The following ATP6V0A4 variants were observed in gnomAD, a reference collection of about 807,000 sequenced individuals.
ATP6V0A4 encodes the protein V-type proton ATPase 116 kDa subunit a 4.
Under a neutral mutation model 107.3 loss-of-function variants are expected in ATP6V0A4, and 86 were observed. The observed-to-expected ratio is 0.80, with a 90% CI of 0.67 to 0.96. The LOEUF is 0.96. ATP6V0A4 is among the 40% of genes least tolerant of loss of function. ATP6V0A4 has a pLI of 0.00. For synonymous variants in ATP6V0A4, 353 were observed against 381.4 expected (o/e 0.93, Z 0.87); for missense variants, 908 against 1,045.6 (o/e 0.87, Z 1.81).
intron 4 of ATP6V0A4, 116 bp downstream of exon 4, chr7:138,769,057 C>T: frequency 6.3e-7 from 1 of 1,581,532 alleles, no homozygotes; most frequent in Non-Finnish European, 8.6e-7. Flanking sequence ...CCTCTGGGAC[C>T]ACCTCAAAAA....
intron 7 of ATP6V0A4, among the ~76,000 whole-genome samples, chr7:138,762,123 G>A (rs1388684668): frequency 6.6e-6 from 1 of 152,144 alleles, no homozygotes; most frequent in Non-Finnish European, 1.5e-5. Context: ...GCAGTCTTCA[G>A]GCTCAAGGAG....
intron 10 of ATP6V0A4, 21 bp downstream of exon 10, chr7:138,755,668 G>GCGCCCAAACCCCT: frequency 6.2e-7 from 1 of 1,613,162 alleles, no homozygotes; most frequent in South Asian, 1.1e-5. Context: ...ATCAGACCAT[G>GCGCCCAAACCCCT]CGCCCAAACC....
At position 138,730,373 on chromosome 7, in the gene ATP6V0A4, T is replaced by C. The variant is rs1188897879; in HGVS notation, c.1909-1511A>G. 2.0e-5 allele frequency among the ~76,000 whole-genome samples: 3 copies of C among 149,170 alleles called. No homozygotes were observed. The East Asian group carries it at 5.8e-4, about 29-fold the overall frequency. On this transcript the variant is annotated intron_variant, in intron 17 of 21. Coordinates refer to ENST00000310018, the MANE Select transcript of ATP6V0A4 (RefSeq NM_020632.3). ...GTGTGTGTGTGTGTGTGTGTGTGTG[T>C]GTGTGTGTGTGTGGCTATCCTTTGA...
intron 7 of ATP6V0A4, 59 bp downstream of exon 7, chr7:138,762,281 T>A (rs971581629): frequency 6.3e-6 from 10 of 1,576,938 alleles, no homozygotes; most frequent in Admixed American, 3.3e-5. Flanking sequence ...GTTCATTCAC[T>A]CACTCAGAAA....
chr7:138,706,474 C>T lies in ATP6V0A4; in HGVS notation c.*150G>A. 1 of 972,870 alleles carries T rather than the reference C, an allele frequency of 1.0e-6. No individual in the cohort carries two copies. Among genetic ancestry groups the T allele is most frequent in the African/African-American group, 1.6e-5 (1 of 62,056 alleles). The allele number at this position is 972,870 out of a possible 1,614,324, so 60.3% of individuals were successfully genotyped here. A position where few individuals can be genotyped will look rare whatever the true frequency, so the allele number is the denominator to read the frequency against. ...ACGTGGTTAAGTCGTATCAAATCCA[C>T]AGGCTGACGTCCAAATAATACACAG... On this transcript the variant is annotated 3_prime_UTR_variant, in exon 22 of 22. Coordinates refer to ENST00000310018, the MANE Select transcript of ATP6V0A4 (RefSeq NM_020632.3).
In ATP6V0A4 at chr7:138,715,807, T is replaced by C; in HGVS notation, c.2214A>G (p.Thr738=). 6.2e-7 allele frequency: 1 copy of C among 1,613,504 alleles called. No individual in the cohort carries two copies. The highest frequency in any genetic ancestry group is 8.5e-7 in the Non-Finnish European group (1 of 1,179,892). ...IEYCLGCISN[T]ASYLRLWALS... ...GGGCCCAGAGCCGCAGGTAGGAGGC[T>C]GTGTTTGAAATGCAGCCCAGGCAGT... Residue 738 remains threonine (T), a synonymous_variant, in exon 20 of 22, where the codon ACA becomes ACG. Coordinates refer to ENST00000310018, the MANE Select transcript of ATP6V0A4 (RefSeq NM_020632.3).
At chr7:138,754,478 G>A (rs537426892) in intron 10 of ATP6V0A4, among the ~76,000 whole-genome samples, 3 of 151,548 alleles carry the variant, frequency 2.0e-5, no homozygotes, top group Non-Finnish European at 2.9e-5. Context: ...TTAAACACAG[G>A]TTTTCTGGAA....
intron 18 of ATP6V0A4, among the ~76,000 whole-genome samples, chr7:138,725,345 G>T (rs956419728): frequency 3.1e-4 from 47 of 152,260 alleles, no homozygotes; most frequent in African/African-American, 1.1e-3. Flanking sequence ...ATCACCATTT[G>T]TAATTACTAA....
In ATP6V0A4 at chr7:138,778,668, C is replaced by T. The variant is rs188940852; in HGVS notation, c.-17-7404G>A. 2.6e-5 allele frequency among the ~76,000 whole-genome samples: 4 copies of T among 152,252 alleles called. No homozygotes were observed. In the East Asian group the frequency reaches 5.8e-4, roughly 22 times the overall value. On this transcript the variant is annotated intron_variant, in intron 2 of 21. Coordinates refer to ENST00000310018, the MANE Select transcript of ATP6V0A4 (RefSeq NM_020632.3). ...AAAGAAAACTTTCAGACAATAATCA[C>T]GCGAATCCAGTTAAACGCCACAGAA... is the stretch of plus-strand genomic sequence containing the variant.
intron 1 of ATP6V0A4, among the ~76,000 whole-genome samples, chr7:138,787,244 C>G (rs1808213876): frequency 6.6e-6 from 1 of 152,210 alleles, no homozygotes; most frequent in Non-Finnish European, 1.5e-5. Flanking sequence ...AAAACCCTTT[C>G]TGGGCATCAC....
intron 1 of ATP6V0A4, among the ~76,000 whole-genome samples, chr7:138,791,070 A>G (rs936147307): frequency 6.6e-6 from 1 of 152,222 alleles, no homozygotes; most frequent in African/African-American, 2.4e-5. Context: ...TGAGGTTATC[A>G]GACACGGATT....
intron 2 of ATP6V0A4, among the ~76,000 whole-genome samples, chr7:138,772,283 C>A (rs1563014314): frequency 6.6e-6 from 1 of 151,994 alleles, no homozygotes; most frequent in Non-Finnish European, 1.5e-5. Context: ...AACAGATGAA[C>A]AAGAATGTTT....
chr7:138,726,319 T>G (rs1294664171), intron 18 of ATP6V0A4, among the ~76,000 whole-genome samples: 1 of 152,206 alleles, frequency 6.6e-6, no homozygotes, highest in Non-Finnish European at 1.5e-5. Flanking sequence ...CACAGTTATT[T>G]CACTGTGACC....
intron 21 of ATP6V0A4, among the ~76,000 whole-genome samples, chr7:138,708,484 T>C (rs971046274): frequency 3.3e-5 from 5 of 152,104 alleles, no homozygotes. Flanking sequence ...TTATGAATAG[T>C]GGCCATAGAG....
chr7:138,747,444 G>A lies in ATP6V0A4; in HGVS notation c.1301C>T (p.Ser434Phe), dbSNP rs1367464081. 1 of 1,614,122 alleles carries A rather than the reference G, an allele frequency of 6.2e-7. No individual in the cohort carries two copies. Among genetic ancestry groups the A allele is most frequent in the South Asian group, 1.1e-5 (1 of 91,082 alleles). Residue 434 changes from serine to phenylalanine, a missense_variant, in exon 13 of 22, where the codon TCC becomes TTC. Physicochemically the swap from Ser to Phe is radical, Grantham distance 155. Transcript: ENST00000310018. The part of the protein sequence containing the change: ...WMILNERRLL[S>F]QKTDNEIWNT... The stretch of plus-strand genomic sequence containing the variant: ...ACTCACCTCATTGTCTGTCTTCTGG[G>A]AGAGCAAGCGTCTCTCATTCAGAAT...
At position 138,753,235 on chromosome 7, in the gene ATP6V0A4, CG is replaced by C. The variant is rs1466360537; in HGVS notation, c.817-399del. ...ATATGACCACTGTCCTGATAAGAAA[CG>C]TAGACACAGAGGCACACAGGGAAGA... On this transcript the variant is annotated intron_variant, in intron 10 of 21. Transcript: ENST00000310018. 2.0e-5 allele frequency among the ~76,000 whole-genome samples: 3 copies of C among 152,076 alleles called. No homozygotes were observed. The East Asian group carries it at 5.8e-4, about 29-fold the overall frequency.
intron 5 of ATP6V0A4, 30 bp downstream of exon 5, chr7:138,768,750 C>G (rs1807217222): frequency 1.2e-6 from 2 of 1,612,930 alleles, no homozygotes; most frequent in African/African-American, 2.7e-5. Context: ...CTGTCCTTAC[C>G]TGGGGAGGCC....
At chr7:138,707,350 A>AATATATTTTATCTTATATATATATTTAT (rs1803488172) in intron 21 of ATP6V0A4, among the ~76,000 whole-genome samples, 1 of 90,394 alleles carries the variant, frequency 1.1e-5, no homozygotes, top group Non-Finnish European at 2.0e-5. Flanking sequence ...TATATATTAT[A>AATATATTTTATCTTATATATATATTTAT]ATATATATTA....
chr7:138,775,246 A>G (rs1807605936), intron 2 of ATP6V0A4, among the ~76,000 whole-genome samples: 1 of 152,038 alleles, frequency 6.6e-6, no homozygotes, highest in Admixed American at 6.6e-5. Flanking sequence ...TGAATGTTCT[A>G]TCATCCACAC....
Sources: allele counts gnomAD v4.1 joint callset (sites outside exome capture counted in the v4.1 genomes callset), GRCh38; gene constraint gnomAD v4.1.1; transcripts MANE v1.5; gene names NCBI Gene and HGNC (gene_info 2026-07-23, HGNC 2026-07-21).